The following CUL4B variants were observed in gnomAD, a reference collection of about 807,000 sequenced individuals.
CUL4B encodes the protein cullin-4B.
In CUL4B, 1 loss-of-function variant was observed where a neutral mutation model predicts 69.2. The ratio of observed to expected loss-of-function variants is 0.01; its 90% confidence interval spans 0.01 to 0.07. The LOEUF is 0.07. CUL4B is among the 10% of genes least tolerant of loss of function. CUL4B has a pLI of 1.00. For missense variants in CUL4B, 328 were observed against 638.8 expected (o/e 0.51, Z 5.24); for synonymous variants, 237 against 223.2 (o/e 1.06, Z -0.55).
At position 120,539,358 on chromosome X, in the gene CUL4B, A is replaced by T. The variant is rs2147328768; in HGVS notation, c.1651T>A (p.Ser551Thr). ...PAELIAKYVD[S>T]KLRAGNKEAT... ...TCTTTGTTGCCTGCACGAAGTTTTG[A>T]ATCTACATACTTAGCTAAAATGGGG... Residue 551 changes from serine to threonine, a missense_variant, in exon 12 of 20, where the codon TCA becomes ACA. Physicochemically the swap from Ser to Thr is moderately conservative, Grantham distance 58. This residue lies in a region of CUL4B where 98 missense variants were observed against 296.8 expected (regional missense o/e 0.33). Transcript: ENST00000371322. 7.6e-6 allele frequency: 9 copies of T among 1,180,285 alleles called. No individual in the cohort carries two copies. The highest frequency in any genetic ancestry group is 3.6e-5 in the South Asian group (2 of 55,171).
At chrX:120,558,609 TC>T (rs1925115092) in intron 1 of CUL4B, among the ~76,000 whole-genome samples, 1 of 111,985 alleles carries the variant, frequency 8.9e-6, no homozygotes, top group Non-Finnish European at 1.9e-5. Context: ...AATGGAAACA[TC>T]TTAACTCAGG....
In CUL4B at chrX:120,543,744, G is replaced by A. The variant is rs1201581884; in HGVS notation, c.1239C>T (p.Tyr413=). The change falls in exon 8 of 20, where the codon TAC becomes TAT. Residue 413 remains tyrosine (Y), a synonymous_variant. Coordinates refer to ENST00000371322, the MANE Select transcript of CUL4B (RefSeq NM_001079872.2). ...LEEEADRLIT[Y]LDQTTQKSLI... is the part of the protein sequence containing the mutation. ...GTACTTACTGGGTGGTCTGATCTAA[G>A]TAAGTAATAAGTCTGTCTGCTTCTT... 2 of 1,199,324 alleles carry A rather than the reference G, an allele frequency of 1.7e-6. No homozygotes were observed. The highest frequency in any genetic ancestry group is 2.3e-6 in the Non-Finnish European group (2 of 884,304).
chrX:120,565,428 A>G (rs1208421746), upstream of CUL4B, among the ~76,000 whole-genome samples: 1 of 109,251 alleles, frequency 9.2e-6, no homozygotes, highest in Non-Finnish European at 1.9e-5. Flanking sequence ...TCACACCTGT[A>G]ATCCCAGCAC....
chrX:120,526,699 T>C lies in CUL4B; in HGVS notation c.*62A>G, dbSNP rs1922987205. On this transcript the variant is annotated 3_prime_UTR_variant, in exon 20 of 20. Transcript: ENST00000371322. Reference sequence around the variant, plus strand: ...AAAAAAGGAGTCAAATAATATTGAATCAACAGGTTAGTTTATCCACTGGCT... The same window carrying C: ...AAAAAAGGAGTCAAATAATATTGAACCAACAGGTTAGTTTATCCACTGGCT... The C allele has an allele frequency of 1.4e-6, 1 of 717,216 alleles. No individual in the cohort carries two copies. The highest frequency in any genetic ancestry group is 2.2e-6 in the Non-Finnish European group (1 of 456,246). The allele number at this position is 717,216 out of a possible 1,213,427, so 59.1% of individuals were successfully genotyped here. A position where few individuals can be genotyped will look rare whatever the true frequency, so the allele number is the denominator to read the frequency against.
downstream of CUL4B, among the ~76,000 whole-genome samples, chrX:120,567,118 A>ATTT (rs72483160): frequency 1.6e-3 from 89 of 55,282 alleles, no homozygotes; most frequent in Admixed American, 2.2e-3. Flanking sequence ...GCCAATTTAG[A>ATTT]TTTTTTTTTT....
intron 12 of CUL4B, 57 bp from the exon 13 acceptor site, chrX:120,538,827 T>C: frequency 1.5e-6 from 1 of 689,339 alleles, no homozygotes; most frequent in Non-Finnish European, 2.3e-6. Context: ...CTGACAAAAC[T>C]GCTTTAAAGT....
At position 120,560,445 on chromosome X, in the gene CUL4B, G is replaced by A; in HGVS notation, c.194C>T (p.Ser65Phe). ...CCTGGGTTGTAAAGGAGGAGTGGAA[G>A]AGGAGGAAGAGGTGGAATCAAAGTC... is the stretch of plus-strand genomic sequence containing the variant. ...REDFDSTSSS[S>F]STPPLQPRDS... The change falls in exon 1 of 20, where the codon TCT becomes TTT. Residue 65 changes from serine to phenylalanine, a missense_variant. Around this residue, in one of 4 missense-constraint regions of CUL4B, gnomAD observed 102 missense variants for 122.1 expected, o/e 0.84. Transcript: ENST00000371322. 1.7e-6 allele frequency: 2 copies of A among 1,209,754 alleles called. No individual in the cohort carries two copies. The highest frequency in any genetic ancestry group is 2.2e-6 in the Non-Finnish European group (2 of 893,956).
chrX:120,573,345 T>C (rs1925769721), intron 2 of CUL4B, among the ~76,000 whole-genome samples: 1 of 111,926 alleles, frequency 8.9e-6, no homozygotes, highest in Non-Finnish European at 1.9e-5. Flanking sequence ...TACCATATTG[T>C]ATTAAACCAT....
Position 120,530,242 on chromosome X carries a change from C to T in CUL4B, c.2452G>A (p.Ala818Thr), listed in dbSNP as rs752793334. 1 of 1,210,186 alleles carries T rather than the reference C, an allele frequency of 8.3e-7. No homozygotes were observed. The highest frequency in any genetic ancestry group is 2.3e-4 in the Middle Eastern group (1 of 4,305). The change falls in exon 19 of 20, where the codon GCA (alanine) becomes ACA (threonine). Residue 818 changes from alanine to threonine, a missense_variant. Ala to Thr is a moderately conservative substitution (Grantham distance 58). This residue lies in a region of CUL4B where 98 missense variants were observed against 296.8 expected (regional missense o/e 0.33). Transcript: ENST00000371322. ...IQMKETVEEQASTTERVFQDR... is the reference protein window; with the variant it reads ...IQMKETVEEQTSTTERVFQDR... ...TGAAATACTCTTTCTGTAGTGCTTG[C>T]TTGTTCTTCAACCTAACAAAAAAGT... is the stretch of plus-strand genomic sequence containing the variant.
intron 19 of CUL4B, among the ~76,000 whole-genome samples, 170 bp downstream of exon 19, chrX:120,529,932 T>C (rs1425720970): frequency 2.4e-5 from 2 of 83,564 alleles, no homozygotes; most frequent in East Asian, 3.9e-4. Flanking sequence ...TGCCCACATA[T>C]GCCAACAAAG....
chrX:120,530,861 G>T (rs1923267441), intron 18 of CUL4B, among the ~76,000 whole-genome samples: 1 of 112,313 alleles, frequency 8.9e-6, no homozygotes, highest in South Asian at 3.6e-4. Context: ...TTCATCTTTA[G>T]TAATTAAACC....
At chrX:120,546,667 G>GTA in intron 3 of CUL4B, 51 bp from the exon 4 acceptor site, 1 of 880,673 alleles carries the variant, frequency 1.1e-6, no homozygotes, top group Non-Finnish European at 1.7e-6. Context: ...AGTCATATGT[G>GTA]CCATGTGACA....
chrX:120,531,605 A>G (rs899419818), intron 18 of CUL4B, among the ~76,000 whole-genome samples: 4 of 108,600 alleles, frequency 3.7e-5, no homozygotes, highest in Non-Finnish European at 7.6e-5. Context: ...GACTACAAGC[A>G]CGCACCACCA....
At chrX:120,561,475 G>A, upstream of CUL4B, 1 of 386,108 alleles carries the variant, frequency 2.6e-6, no homozygotes, top group Non-Finnish European at 4.9e-6. Context: ...AAATTGGGGG[G>A]AAGAAAAGTG....
intron 2 of CUL4B, among the ~76,000 whole-genome samples, chrX:120,555,262 A>C (rs1310569169): frequency 3.6e-5 from 4 of 112,282 alleles, no homozygotes; most frequent in Non-Finnish European, 7.5e-5. Context: ...TATTCAAGGT[A>C]AAGTAAATAG....
At chrX:120,559,435 A>T (rs1925156485) in intron 1 of CUL4B, among the ~76,000 whole-genome samples, 1 of 112,509 alleles carries the variant, frequency 8.9e-6, no homozygotes, top group South Asian at 3.6e-4. Context: ...CATTTTAGTG[A>T]TGGAAAAAAT....
At chrX:120,561,500 G>C (rs1182554839), upstream of CUL4B, 1 of 372,215 alleles carries the variant, frequency 2.7e-6, no homozygotes, top group Non-Finnish European at 5.0e-6. Context: ...GGAGGAGGGG[G>C]CGGGCCTTCG....
intron 3 of CUL4B, among the ~76,000 whole-genome samples, 170 bp from the exon 4 acceptor site, chrX:120,546,786 C>G (rs765147276): frequency 2.7e-5 from 3 of 111,121 alleles, no homozygotes; most frequent in Non-Finnish European, 5.7e-5. Context: ...AAAAAAAAAA[C>G]ATAGTTTATA....
intron 18 of CUL4B, 96 bp from the exon 19 acceptor site, chrX:120,530,350 T>C (rs771214646): frequency 2.3e-5 from 19 of 833,971 alleles, no homozygotes; most frequent in Non-Finnish European, 2.8e-5. Flanking sequence ...TTGTTATTGC[T>C]TTAAAGGTAC....
Sources: gnomAD v4.1 joint callset for allele counts (sites outside exome capture counted in the v4.1 genomes callset) on GRCh38, gnomAD v4.1.1 for gene constraint, gnomAD v4.1.1 regional missense constraint, MANE v1.5 for transcripts, NCBI Gene and HGNC (gene_info 2026-07-23, HGNC 2026-07-21) for gene names.